Variants in GSG1L observed in about 807,000 individuals in gnomAD.
The protein encoded by GSG1L is GSG1 like.
Under a neutral mutation model 42.1 loss-of-function variants are expected in GSG1L, and 24 were observed. The ratio of observed to expected loss-of-function variants is 0.57; its 90% CI spans 0.41 to 0.80. GSG1L has a LOEUF of 0.80. Ranked by LOEUF, GSG1L falls within the 30% of genes least tolerant of loss-of-function variation. The pLI is 0.00. For missense variants in GSG1L, 445 were observed against 472.2 expected (o/e 0.94, Z 0.53); for synonymous variants, 215 against 203.5 (o/e 1.06, Z -0.48).
At chr16:28,028,659 C>T (rs748609965) in intron 1 of GSG1L, among the ~76,000 whole-genome samples, 2 of 151,970 alleles carry the variant, frequency 1.3e-5, no homozygotes, top group Non-Finnish European at 2.9e-5. Flanking sequence ...CCATTAATAC[C>T]AAGGAGAAAG....
At chr16:27,862,441 C>T (rs1409225835) in intron 3 of GSG1L, among the ~76,000 whole-genome samples, 3 of 152,226 alleles carry the variant, frequency 2.0e-5, no homozygotes. Context: ...TGGCCAACAC[C>T]CTGACTGCAG....
chr16:28,055,881 C>T (rs1353446785), intron 1 of GSG1L, among the ~76,000 whole-genome samples: 1 of 152,100 alleles, frequency 6.6e-6, no homozygotes, highest in African/African-American at 2.4e-5. Flanking sequence ...GCAGCATCCT[C>T]ACAAGACAGC....
chr16:27,931,071 A>C (rs2141072691), intron 2 of GSG1L, among the ~76,000 whole-genome samples: 1 of 152,290 alleles, frequency 6.6e-6, no homozygotes, highest in Admixed American at 6.5e-5. Context: ...CTTGAGCTGC[A>C]GAGCAACTTG....
At chr16:27,856,540 C>A (rs948532604) in intron 3 of GSG1L, among the ~76,000 whole-genome samples, 29 of 152,296 alleles carry the variant, frequency 1.9e-4, no homozygotes, top group Admixed American at 5.9e-4. Context: ...GTCTCAAACT[C>A]CTTGGCTCAA....
At chr16:27,916,879 A>G (rs2084462817) in intron 2 of GSG1L, among the ~76,000 whole-genome samples, 1 of 26,870 alleles carries the variant, frequency 3.7e-5, no homozygotes, top group Non-Finnish European at 8.6e-5. Flanking sequence ...AAATCACTCA[A>G]TGCAAAAAAA....
At chr16:27,931,654 A>C (rs1164212219) in intron 2 of GSG1L, among the ~76,000 whole-genome samples, 1 of 152,220 alleles carries the variant, frequency 6.6e-6, no homozygotes, top group Non-Finnish European at 1.5e-5. Context: ...ATCAGCCTGC[A>C]CCTGGATGCA....
chr16:27,890,488 A>G (rs776668968), intron 2 of GSG1L, among the ~76,000 whole-genome samples: 68 of 152,264 alleles, frequency 4.5e-4, no homozygotes, highest in Non-Finnish European at 7.4e-4. Flanking sequence ...GCAAAAGATG[A>G]CGGTGGCCTG....
At chr16:28,052,775 G>C (rs945621874) in intron 1 of GSG1L, among the ~76,000 whole-genome samples, 1 of 152,244 alleles carries the variant, frequency 6.6e-6, no homozygotes, top group African/African-American at 2.4e-5. Context: ...CCTGGCTGAG[G>C]AGGGCAGAAA....
At chr16:28,002,524 G>A (rs568793838) in intron 1 of GSG1L, among the ~76,000 whole-genome samples, 1 of 152,296 alleles carries the variant, frequency 6.6e-6, no homozygotes, top group African/African-American at 2.4e-5. Context: ...AGGAGGCTAA[G>A]GCAGGGGGAT....
At chr16:28,018,144 C>T (rs1479850722) in intron 1 of GSG1L, among the ~76,000 whole-genome samples, 1 of 152,168 alleles carries the variant, frequency 6.6e-6, no homozygotes, top group African/African-American at 2.4e-5. Context: ...ATTTTCCACT[C>T]CATACCATCA....
chr16:27,804,037 G>GGATGGATA (rs2082924011), intron 6 of GSG1L, among the ~76,000 whole-genome samples: 1 of 132,676 alleles, frequency 7.5e-6, no homozygotes, highest in African/African-American at 3.1e-5. Flanking sequence ...TAGATTAGAT[G>GGATGGATA]GATAGATAGA....
chr16:27,876,783 C>A (rs912692399), intron 3 of GSG1L, among the ~76,000 whole-genome samples: 1 of 152,170 alleles, frequency 6.6e-6, no homozygotes, highest in Admixed American at 6.5e-5. Context: ...CTCTTCAACT[C>A]GGTCCACACT....
At chr16:27,830,746 T>C (rs1266133561) in intron 4 of GSG1L, among the ~76,000 whole-genome samples, 1 of 152,228 alleles carries the variant, frequency 6.6e-6, no homozygotes, top group Admixed American at 6.5e-5. Context: ...TACTCTCTCC[T>C]GAGCAACAAA....
intron 3 of GSG1L, among the ~76,000 whole-genome samples, chr16:27,848,504 T>G (rs1310171707): frequency 1.3e-5 from 2 of 152,162 alleles, no homozygotes; most frequent in East Asian, 3.9e-4. Flanking sequence ...CAACGAATAT[T>G]TAGCAAAGGC....
intron 1 of GSG1L, among the ~76,000 whole-genome samples, chr16:28,058,633 A>AC (rs886362098): frequency 8.2e-5 from 12 of 146,012 alleles, no homozygotes; most frequent in African/African-American, 1.8e-4. Context: ...AAAAAAAAAA[A>AC]AAACAAACAA....
chr16:27,809,811 C>A (rs1052235283), intron 5 of GSG1L, among the ~76,000 whole-genome samples: 2 of 152,172 alleles, frequency 1.3e-5, no homozygotes, highest in African/African-American at 4.8e-5. Flanking sequence ...CTTTCCACTG[C>A]TATCTCCTCT....
At chr16:28,026,801 G>T (rs1567560720) in intron 1 of GSG1L, among the ~76,000 whole-genome samples, 1 of 152,204 alleles carries the variant, frequency 6.6e-6, no homozygotes, top group East Asian at 1.9e-4. Flanking sequence ...CAAGAGTGGG[G>T]CCAGGCATTG....
intron 5 of GSG1L, among the ~76,000 whole-genome samples, chr16:27,810,028 A>T (rs1424418843): frequency 6.6e-6 from 1 of 152,156 alleles, no homozygotes; most frequent in Non-Finnish European, 1.5e-5. Flanking sequence ...ATAATCACCA[A>T]TCATTCATTC....
intron 4 of GSG1L, among the ~76,000 whole-genome samples, chr16:27,840,341 C>T (rs1409544549): frequency 6.6e-6 from 1 of 152,036 alleles, no homozygotes; most frequent in African/African-American, 2.4e-5. Flanking sequence ...AGCCCCTCTC[C>T]CATCTTGGCC....
Sources: gnomAD v4.1 joint callset for allele counts (sites outside exome capture counted in the v4.1 genomes callset) on GRCh38, gnomAD v4.1.1 for gene constraint, MANE v1.5 for transcripts, NCBI Gene and HGNC (gene_info 2026-07-23, HGNC 2026-07-21) for gene names.